The following AGBL3 variants were observed in gnomAD, a reference collection of about 807,000 sequenced individuals.
The protein encoded by AGBL3 is AGBL carboxypeptidase 3, also known as cytosolic carboxypeptidase 3.
In AGBL3, 68 loss-of-function variants were observed where a neutral mutation model predicts 94.5. That is an observed-to-expected ratio of 0.72 (90% confidence interval 0.59 to 0.88). The LOEUF (loss-of-function observed/expected upper bound fraction) is 0.88, where lower values mean the gene tolerates loss of function less well. AGBL3 is among the 40% of genes least tolerant of loss of function. AGBL3 has a pLI of 0.00. For missense variants in AGBL3, 934 were observed against 1,103.8 expected (o/e 0.85, Z 2.18); for synonymous variants, 354 against 370.7 (o/e 0.95, Z 0.52).
chr7:135,022,508 G>GT (rs145518609), intron 5 of AGBL3, among the ~76,000 whole-genome samples: 3,525 of 147,990 alleles, frequency 0.024, 142 homozygotes, highest in African/African-American at 0.079. Context: ...TTTTGGATGG[G>GT]TTTTTTTTTT....
At chr7:135,111,375 C>T (rs1057148586) in intron 15 of AGBL3, among the ~76,000 whole-genome samples, 7 of 152,288 alleles carry the variant, frequency 4.6e-5, no homozygotes, top group African/African-American at 1.7e-4. Context: ...CTACTGTTGC[C>T]ATACCATGAA....
rs543551834 is a variant in AGBL3, at chr7:135,022,199, G to A, written c.418+5040G>A. Among the ~76,000 whole-genome samples the A allele has an allele frequency of 7.2e-5, 11 of 152,200 alleles. No individual in the cohort carries two copies. In the South Asian group the frequency reaches 1.5e-3, roughly 20 times the overall value. On this transcript the variant is annotated intron_variant, in intron 5 of 16. Coordinates refer to ENST00000436302, the MANE Select transcript of AGBL3 (RefSeq NM_178563.4). ...TATATACCCAGTAATAGGATTGCTG[G>A]GTCAAATGGTATTTCTGGTTCTAGA...
At chr7:134,990,640 C>A (rs2718154) in intron 3 of AGBL3, among the ~76,000 whole-genome samples, 10,414 of 152,238 alleles carry the variant, frequency 0.068, 1,150 homozygotes, top group African/African-American at 0.23. Context: ...TATATGCTAA[C>A]TATATACTGT....
At chr7:135,126,534 A>G (rs566840503) in intron 16 of AGBL3, among the ~76,000 whole-genome samples, 12 of 152,352 alleles carry the variant, frequency 7.9e-5, no homozygotes, top group African/African-American at 2.2e-4. Flanking sequence ...TTTAGAAAAA[A>G]CTACTTTAAA....
intron 16 of AGBL3, among the ~76,000 whole-genome samples, chr7:135,134,416 T>C (rs888542361): frequency 1.5e-4 from 23 of 152,178 alleles, no homozygotes; most frequent in African/African-American, 5.5e-4. Flanking sequence ...TAGACTCACG[T>C]TGATTTTTTT....
chr7:135,114,164 T>C (rs1301903182), intron 15 of AGBL3, among the ~76,000 whole-genome samples: 1 of 152,214 alleles, frequency 6.6e-6, no homozygotes, highest in African/African-American at 2.4e-5. Context: ...AATATGAATG[T>C]ATCTATGTCT....
At chr7:135,044,640 C>T (rs1253881810) in intron 9 of AGBL3, among the ~76,000 whole-genome samples, 1 of 152,036 alleles carries the variant, frequency 6.6e-6, no homozygotes, top group African/African-American at 2.4e-5. Context: ...ATAATTGTCA[C>T]ATTATCAGAA....
intron 13 of AGBL3, among the ~76,000 whole-genome samples, chr7:135,078,712 A>T (rs930753633): frequency 1.3e-5 from 2 of 152,184 alleles, no homozygotes; most frequent in Admixed American, 6.5e-5. Flanking sequence ...AGATACTTCC[A>T]AATGGAAAAT....
At chr7:135,032,471 ATTTTTTT>A (rs375307379) in intron 5 of AGBL3, among the ~76,000 whole-genome samples, 4 of 134,394 alleles carry the variant, frequency 3.0e-5, no homozygotes, top group Middle Eastern at 3.8e-3. Context: ...CACCTGGCTA[ATTTTTTT>A]TTTTTTTTTT....
At chr7:135,033,483 A>G (rs1815985371) in intron 6 of AGBL3, among the ~76,000 whole-genome samples, 1 of 152,218 alleles carries the variant, frequency 6.6e-6, no homozygotes. Context: ...CATACACATT[A>G]CATGCTAAGT....
At chr7:135,111,305 A>G (rs575656698) in intron 15 of AGBL3, among the ~76,000 whole-genome samples, 1 of 152,156 alleles carries the variant, frequency 6.6e-6, no homozygotes, top group Non-Finnish European at 1.5e-5. Context: ...AATATAGCCA[A>G]CATTCATTAC....
At chr7:135,101,353 C>A in intron 15 of AGBL3, 2 of 408,512 alleles carry the variant, frequency 4.9e-6, no homozygotes, top group Non-Finnish European at 4.9e-6. Context: ...TTAACATATC[C>A]TATGAAACTT....
chr7:135,026,176 TA>T (rs1402276875), intron 5 of AGBL3, among the ~76,000 whole-genome samples: 2 of 150,384 alleles, frequency 1.3e-5, no homozygotes, highest in South Asian at 2.2e-4. Flanking sequence ...CTCAATAAAT[TA>T]AAAAAAATTG....
chr7:135,026,891 C>A (rs893156178), intron 5 of AGBL3, among the ~76,000 whole-genome samples: 4 of 151,550 alleles, frequency 2.6e-5, no homozygotes, highest in Non-Finnish European at 4.4e-5. Flanking sequence ...TGGCCCATCT[C>A]ATTTTTATTC....
intron 5 of AGBL3, among the ~76,000 whole-genome samples, chr7:135,021,599 T>C (rs1814477609): frequency 6.6e-6 from 1 of 151,254 alleles, no homozygotes; most frequent in African/African-American, 2.4e-5. Context: ...GCCCTACTTT[T>C]AACCTATGTT....
At chr7:135,073,727 G>C (rs990316972) in intron 12 of AGBL3, among the ~76,000 whole-genome samples, 4 of 151,760 alleles carry the variant, frequency 2.6e-5, no homozygotes, top group Non-Finnish European at 5.9e-5. Context: ...AGCAAGCAGG[G>C]GGTACGTGAC....
At chr7:135,040,037 T>C (rs1012187337) in intron 8 of AGBL3, among the ~76,000 whole-genome samples, 3 of 152,086 alleles carry the variant, frequency 2.0e-5, no homozygotes, top group African/African-American at 7.2e-5. Flanking sequence ...GAGGTATCAC[T>C]ACAGACCCTG....
intron 5 of AGBL3, among the ~76,000 whole-genome samples, chr7:135,023,563 A>T (rs138198076): frequency 6.6e-6 from 1 of 152,156 alleles, no homozygotes; most frequent in Non-Finnish European, 1.5e-5. Context: ...TTTCGCCTGC[A>T]TGGAGCCCAG....
Position 135,044,014 on chromosome 7 carries a change from C to T in AGBL3, c.1501-11C>T. Reference sequence around the variant, plus strand: ...GAACAACGAGTCTCATTTTTATTTGCTGCTTTTCAGTTTTCATTCTCAGCT... The same window carrying T: ...GAACAACGAGTCTCATTTTTATTTGTTGCTTTTCAGTTTTCATTCTCAGCT... On this transcript the variant is annotated splice_polypyrimidine_tract_variant and intron_variant, in intron 8 of 16. Coordinates refer to ENST00000436302, the MANE Select transcript of AGBL3 (RefSeq NM_178563.4). The T allele has an allele frequency of 6.5e-7, 1 of 1,545,964 alleles. No homozygotes were observed.
Sources: gnomAD v4.1 joint callset for allele counts (sites outside exome capture counted in the v4.1 genomes callset) on GRCh38, gnomAD v4.1.1 for gene constraint, MANE v1.5 for transcripts, NCBI Gene and HGNC (gene_info 2026-07-23, HGNC 2026-07-21) for gene names.